P4HA1: variants seen among roughly 807,000 people sequenced by gnomAD.
The protein encoded by P4HA1 is prolyl 4-hydroxylase subunit alpha 1.
P4HA1 carries 24 observed loss-of-function variants against 72.8 expected under a neutral mutation model. The observed-to-expected ratio is 0.33, with a 90% CI of 0.24 to 0.46. P4HA1 has a LOEUF of 0.46. Ranked by LOEUF, P4HA1 falls within the 20% of genes least tolerant of loss-of-function variation. The pLI is 1.00. For synonymous variants in P4HA1, 201 were observed against 218.8 expected, an observed-to-expected ratio of 0.92 and a Z score of 0.72; for missense variants, 446 against 640.6, an observed-to-expected ratio of 0.70 and a Z score of 3.28.
intron 2 of P4HA1, 126 bp from the exon 3 acceptor site, chr10:73,073,953 CTA>C: frequency 1.5e-6 from 1 of 656,862 alleles, no homozygotes; most frequent in Non-Finnish European, 2.7e-6. Flanking sequence ...ATGCTGGAGA[CTA>C]TCTTTTCTTC....
chr10:73,091,540 G>A (rs1345886670), intron 1 of P4HA1, among the ~76,000 whole-genome samples: 1 of 152,224 alleles, frequency 6.6e-6, no homozygotes, highest in Non-Finnish European at 1.5e-5. Context: ...GATTAGAACT[G>A]TAAGAGAAGT....
intron 5 of P4HA1, among the ~76,000 whole-genome samples, chr10:73,066,304 AAAG>A (rs1247618114): frequency 2.6e-5 from 4 of 152,188 alleles, no homozygotes; most frequent in Non-Finnish European, 4.4e-5. Flanking sequence ...AACTGTGATA[AAAG>A]AGGAAAAAAG....
chr10:73,082,480 T>A (rs1030196347), intron 1 of P4HA1: 5 of 152,176 alleles, frequency 3.3e-5, no homozygotes, highest in African/African-American at 9.7e-5. Flanking sequence ...AAAGAGTGCT[T>A]GATATTCTCT....
chr10:73,084,716 AC>A (rs1234634791), intron 1 of P4HA1, among the ~76,000 whole-genome samples: 2 of 152,218 alleles, frequency 1.3e-5, no homozygotes, highest in East Asian at 3.8e-4. Flanking sequence ...ACAAAGAATA[AC>A]CAATCACAGG....
chr10:73,065,944 G>C (rs190862079), intron 5 of P4HA1, among the ~76,000 whole-genome samples: 2 of 152,036 alleles, frequency 1.3e-5, no homozygotes, highest in Non-Finnish European at 2.9e-5. Flanking sequence ...GTTAAAAAAA[G>C]GTTGTAGAAA....
rs564164478 is a variant in P4HA1, at chr10:73,014,427, T to C, written c.1303-138A>G. ...CAAAAGTTTCCCTTGTAATGTCCAG[T>C]GCACTATAAACATCAGGCAATCTTT... On this transcript the variant is annotated intron_variant, in intron 11 of 14. Coordinates refer to ENST00000394890, the MANE Select transcript of P4HA1 (RefSeq NM_001017962.3). The C allele has an allele frequency of 1.2e-5, 8 of 643,778 alleles. No individual in the cohort carries two copies. The East Asian group carries it at 2.2e-4, about 18-fold the overall frequency. 39.9% of individuals were successfully genotyped at this position (643,778 alleles called of 1,614,324 possible). A position where few individuals can be genotyped will look rare whatever the true frequency, so the allele number is the denominator to read the frequency against.
intron 5 of P4HA1, among the ~76,000 whole-genome samples, chr10:73,059,704 C>T (rs1841265011): frequency 6.6e-6 from 1 of 150,870 alleles, no homozygotes; most frequent in Admixed American, 6.6e-5. Flanking sequence ...GATCACGCCA[C>T]TGCACTCCAG....
chr10:73,008,962 T>G (rs1839853239), intron 14 of P4HA1, among the ~76,000 whole-genome samples: 1 of 152,120 alleles, frequency 6.6e-6, no homozygotes, highest in African/African-American at 2.4e-5. Flanking sequence ...TCCTTACATC[T>G]CTCTCAAATC....
At chr10:73,037,037 T>C (rs1840590844) in intron 9 of P4HA1, among the ~76,000 whole-genome samples, 1 of 151,984 alleles carries the variant, frequency 6.6e-6, no homozygotes, top group African/African-American at 2.4e-5. Context: ...ATAGGAAAAA[T>C]CATTTGAAGA....
At chr10:73,063,136 A>G (rs114063588) in intron 5 of P4HA1, among the ~76,000 whole-genome samples, 1,545 of 152,322 alleles carry the variant, frequency 0.01, 28 homozygotes, top group African/African-American at 0.036. Context: ...TTATGCTCCC[A>G]TAACAAAATA....
chr10:73,079,749 A>C (rs901934510), intron 1 of P4HA1, among the ~76,000 whole-genome samples: 1 of 152,170 alleles, frequency 6.6e-6, no homozygotes, highest in Non-Finnish European at 1.5e-5. Context: ...TCTCAAAATA[A>C]ATAAATAAAT....
At chr10:73,025,548 G>A (rs944799508) in intron 10 of P4HA1, among the ~76,000 whole-genome samples, 8 of 151,894 alleles carry the variant, frequency 5.3e-5, no homozygotes, top group Admixed American at 1.3e-4. Flanking sequence ...TTTGAAATCC[G>A]GCACAAGACA....
chr10:73,036,208 T>A (rs894168120), intron 9 of P4HA1, among the ~76,000 whole-genome samples: 2 of 151,424 alleles, frequency 1.3e-5, no homozygotes, highest in Non-Finnish European at 2.9e-5. Flanking sequence ...AAAAAAATCT[T>A]GATGAAGGGT....
In P4HA1 at chr10:73,030,382, A is replaced by G; in HGVS notation, c.1149-12T>C. On this transcript the variant is annotated splice_polypyrimidine_tract_variant and intron_variant, in intron 9 of 14. Coordinates refer to ENST00000394890, the MANE Select transcript of P4HA1 (RefSeq NM_001017962.3). Reference sequence around the variant, plus strand: ...CAGAGAGCCAGGCACTAAGAATAAGAGGAATATTAGTTTTATTGATAATGT... The same window carrying G: ...CAGAGAGCCAGGCACTAAGAATAAGGGGAATATTAGTTTTATTGATAATGT... 11 of 1,407,908 alleles carry G rather than the reference A, an allele frequency of 7.8e-6. No homozygotes were observed. Among genetic ancestry groups the G allele is most frequent in the Non-Finnish European group, 1.1e-5 (11 of 1,013,390 alleles). The allele number at this position is 1,407,908 out of a possible 1,614,324, so 87.2% of individuals were successfully genotyped here.
intron 10 of P4HA1, among the ~76,000 whole-genome samples, chr10:73,017,193 ACAGATGTATATATAGATATCTATATC>A (rs1840026643): frequency 1.5e-5 from 2 of 137,068 alleles, no homozygotes; most frequent in African/African-American, 6.8e-5. Flanking sequence ...ATCTATATCT[ACAGATGTATATATAGATATCTATATC>A]TACAGATGTA....
intron 9 of P4HA1, among the ~76,000 whole-genome samples, chr10:73,034,158 G>A (rs1163837352): frequency 6.6e-6 from 1 of 152,100 alleles, no homozygotes; most frequent in Admixed American, 6.5e-5. Flanking sequence ...AGGATGCAGG[G>A]AGCTACAATC....
intron 1 of P4HA1, among the ~76,000 whole-genome samples, chr10:73,086,598 G>A (rs536178991): frequency 6.6e-6 from 1 of 152,136 alleles, no homozygotes; most frequent in East Asian, 1.9e-4. Context: ...AAATTGCATG[G>A]TACGTGAATT....
chr10:73,009,869 C>T lies in P4HA1; in HGVS notation c.1472G>A (p.Ser491Asn). 1 of 1,610,922 alleles carries T rather than the reference C, an allele frequency of 6.2e-7. No homozygotes were observed. Among genetic ancestry groups the T allele is most frequent in the Non-Finnish European group, 8.5e-7 (1 of 1,177,094 alleles). Residue 491 changes from serine (S) to asparagine (N), a missense_variant, in exon 14 of 15, where the codon AGT becomes AAT. Transcript: ENST00000394890. ...CCGTGTACTATAATCTCCTTCTCCA[C>T]TGGCAAACAGATTATACCAGAAAAC... Reference protein sequence around the residue: ...TAVFWYNLFASGEGDYSTRHA... With the variant: ...TAVFWYNLFANGEGDYSTRHA...
At position 73,008,311 on chromosome 10, in the gene P4HA1, A is replaced by G. The variant is rs200877466; in HGVS notation, c.1535-19T>C. On this transcript the variant is annotated intron_variant, in intron 14 of 14. Coordinates refer to ENST00000394890, the MANE Select transcript of P4HA1 (RefSeq NM_001017962.3). ...TTGGATACTGTGAGAGAAAAGTAAT[A>G]TATTAATTTTCCCCCTTAATCTAAT... The G allele has an allele frequency of 1.4e-6, 2 of 1,472,434 alleles. No individual in the cohort carries two copies. The highest frequency in any genetic ancestry group is 1.9e-6 in the Non-Finnish European group (2 of 1,052,324). 91.2% of individuals were successfully genotyped at this position (1,472,434 alleles called of 1,614,324 possible).
Sources: allele counts gnomAD v4.1 joint callset (sites outside exome capture counted in the v4.1 genomes callset), GRCh38; gene constraint gnomAD v4.1.1; transcripts MANE v1.5; gene names NCBI Gene and HGNC (gene_info 2026-07-23, HGNC 2026-07-21).